STAG2: variants seen among roughly 807,000 people sequenced by gnomAD.
STAG2 encodes the protein STAG2 cohesin complex component.
STAG2 carries 14 observed loss-of-function variants against 108.1 expected under a neutral mutation model. The ratio of observed to expected loss-of-function variants is 0.13; its 90% confidence interval spans 0.09 to 0.20. STAG2 has a LOEUF of 0.20. STAG2 is among the 10% of genes least tolerant of loss of function. The pLI, the probability that STAG2 is intolerant of heterozygous loss-of-function variation, is 1.00. For synonymous variants in STAG2, 307 were observed against 302.7 expected (o/e 1.01, Z -0.15); for missense variants, 440 against 940.9 (o/e 0.47, Z 6.96).
At chrX:124,072,680 G>GTGT (rs1389793250) in intron 25 of STAG2, among the ~76,000 whole-genome samples, 12 of 98,877 alleles carry the variant, frequency 1.2e-4, no homozygotes, top group African/African-American at 4.0e-4. Context: ...AGTAATTATA[G>GTGT]TGTTGTTGTT....
chrX:123,963,649 TTAAG>T (rs753367073), intron 1 of STAG2, among the ~76,000 whole-genome samples: 7 of 110,128 alleles, frequency 6.4e-5, no homozygotes, highest in East Asian at 2.9e-4. Context: ...AGGTGCCACG[TTAAG>T]TAAGTTAATT....
intron 13 of STAG2, among the ~76,000 whole-genome samples, chrX:124,055,455 A>G (rs1003370638): frequency 3.5e-5 from 4 of 112,978 alleles, no homozygotes; most frequent in Non-Finnish European, 7.5e-5. Flanking sequence ...GAAGAATGCA[A>G]CAGCGTTTAC....
intron 7 of STAG2, among the ~76,000 whole-genome samples, chrX:124,044,508 T>C (rs1236423771): frequency 5.4e-5 from 6 of 111,545 alleles, no homozygotes; most frequent in Non-Finnish European, 1.1e-4. Context: ...CTTTTAGATG[T>C]TCTATATGGT....
intron 4 of STAG2, among the ~76,000 whole-genome samples, chrX:124,026,948 G>A (rs2057124764): frequency 2.7e-5 from 3 of 111,432 alleles, no homozygotes; most frequent in Non-Finnish European, 1.9e-5. Context: ...GAGTGCAGTG[G>A]CTATTCACTG....
chrX:123,996,092 G>A (rs2055724118), intron 1 of STAG2, among the ~76,000 whole-genome samples: 1 of 111,997 alleles, frequency 8.9e-6, no homozygotes, highest in Non-Finnish European at 1.9e-5. Context: ...ATACATTGCC[G>A]GTGGAAGTAT....
chrX:123,965,978 A>G (rs949050890), intron 1 of STAG2, among the ~76,000 whole-genome samples: 2 of 109,518 alleles, frequency 1.8e-5, no homozygotes, highest in Non-Finnish European at 1.9e-5. Context: ...AGCCTGGGCA[A>G]CAGAGCAAGA....
rs1476429960 is a variant in STAG2, at chrX:123,961,808, G to C, written c.-211G>C. Reference sequence around the variant, plus strand: ...CAGCGCGTGGTGGGGGAACTGCTGGGGAAGGCGATTGGCATCGATCTCTCC... The same window carrying C: ...CAGCGCGTGGTGGGGGAACTGCTGGCGAAGGCGATTGGCATCGATCTCTCC... On this transcript the variant is annotated 5_prime_UTR_variant, in exon 1 of 35. Coordinates refer to ENST00000371145, the MANE Select transcript of STAG2 (RefSeq NM_001042750.2). The C allele has an allele frequency of 9.1e-6, 1 of 109,916 alleles. No homozygotes were observed. The highest frequency in any genetic ancestry group is 1.9e-5 in the Non-Finnish European group (1 of 52,526). 9.1% of individuals were successfully genotyped at this position (109,916 alleles called of 1,213,427 possible).
chrX:124,067,184 C>G, intron 23 of STAG2, among the ~76,000 whole-genome samples: 1 of 111,321 alleles, frequency 9.0e-6, no homozygotes, highest in East Asian at 2.8e-4. Flanking sequence ...TTTCTCTGGG[C>G]TTTTAAGATG....
intron 19 of STAG2, 85 bp downstream of exon 19, chrX:124,063,290 G>A: frequency 1.6e-5 from 12 of 750,854 alleles, no homozygotes; most frequent in Non-Finnish European, 2.3e-5. Context: ...TTCTTAAAAT[G>A]TTTTTTTGGA....
At chrX:124,044,885 G>C (rs1019545635) in intron 7 of STAG2, among the ~76,000 whole-genome samples, 1 of 111,497 alleles carries the variant, frequency 9.0e-6, no homozygotes, top group Non-Finnish European at 1.9e-5. Flanking sequence ...TTGTTTTGAT[G>C]AGGGAGGCTT....
At chrX:124,096,282 C>T (rs1014360818) in intron 34 of STAG2, among the ~76,000 whole-genome samples, 1 of 110,970 alleles carries the variant, frequency 9.0e-6, no homozygotes, top group Admixed American at 9.7e-5. Context: ...TTGGCCTTTT[C>T]CTTACATGTA....
chrX:124,085,332 GTGGGTACA>G (rs2059072363), intron 29 of STAG2, among the ~76,000 whole-genome samples: 1 of 111,418 alleles, frequency 9.0e-6, no homozygotes, highest in Non-Finnish European at 1.9e-5. Context: ...TAGGTATGTG[GTGGGTACA>G]TAATTGTAAA....
intron 5 of STAG2, among the ~76,000 whole-genome samples, chrX:124,036,322 CTTGT>C (rs1455185415): frequency 8.9e-6 from 1 of 111,808 alleles, no homozygotes; most frequent in African/African-American, 3.3e-5. Context: ...TATACTAGCT[CTTGT>C]TTATCATCTT....
rs1310898935 is a variant in STAG2 at position 124,101,636 on chromosome X, T to A, written c.*1039T>A. ...TAGAAAAGCATGAGTGTTCATGCTT[T>A]AAAATGATTTTTAAATTTGTATTTT... On this transcript the variant is annotated 3_prime_UTR_variant, in exon 35 of 35. Coordinates refer to ENST00000371145, the MANE Select transcript of STAG2 (RefSeq NM_001042750.2). 2 of 162,926 alleles carry A rather than the reference T, an allele frequency of 1.2e-5. No individual in the cohort carries two copies. The highest frequency in any genetic ancestry group is 6.0e-5 in the African/African-American group (2 of 33,261). 13.4% of individuals were successfully genotyped at this position (162,926 alleles called of 1,213,427 possible). A position where few individuals can be genotyped will look rare whatever the true frequency, so the allele number is the denominator to read the frequency against.
At chrX:124,095,174 G>A (rs768331172) in intron 33 of STAG2, among the ~76,000 whole-genome samples, 198 bp from the exon 34 acceptor site, 11 of 111,926 alleles carry the variant, frequency 9.8e-5, no homozygotes, top group African/African-American at 2.9e-4. Context: ...TGATCCACCC[G>A]CCTCGGCCTC....
At chrX:124,061,639 T>G (rs752864078) in intron 16 of STAG2, 132 bp from the exon 17 acceptor site, 1 of 498,879 alleles carries the variant, frequency 2.0e-6, no homozygotes, top group Non-Finnish European at 3.1e-6. Context: ...GTAATGGGAT[T>G]TTCTTTAGTA....
At chrX:124,072,960 G>T (rs185342294) in intron 25 of STAG2, among the ~76,000 whole-genome samples, 1,181 of 90,199 alleles carry the variant, frequency 0.013, 6 homozygotes, top group Non-Finnish European at 0.018. Flanking sequence ...GGCCAGGCTG[G>T]TCTTGAACTC....
Position 124,072,904 on chromosome X carries a change from C to CTT in STAG2, c.2533+1600_2533+1601dup, listed in dbSNP as rs779996801. Among the ~76,000 whole-genome samples, 84 of 72,596 alleles carry CTT rather than the reference C, an allele frequency of 1.2e-3. 1 individual carries two copies. Among genetic ancestry groups the CTT allele is most frequent in the South Asian group, 4.6e-3 (6 of 1,310 alleles). The allele number at this position is 72,596 out of a possible 115,157, so 63.0% of individuals were successfully genotyped here. A position where few individuals can be genotyped will look rare whatever the true frequency, so the allele number is the denominator to read the frequency against. On this transcript the variant is annotated intron_variant, in intron 25 of 34. Transcript: ENST00000371145. ...TTTTTCTTTCTTTCTTTCTTTCTTT[C>CTT]TTTTTTTTTTTTTTTTTTTTAGTAG...
rs751163819 is a variant in STAG2 at position 124,063,107 on chromosome X, A to C, written c.1732-9A>C. The C allele has an allele frequency of 1.7e-6, 2 of 1,195,755 alleles. No homozygotes were observed. Among genetic ancestry groups the C allele is most frequent in the South Asian group, 3.6e-5 (2 of 55,398 alleles). ...GTGATATTTTTAACGTGATCTTTAT[A>C]TTTCACAGTACTCTGTAGATGCAGA... On this transcript the variant is annotated splice_polypyrimidine_tract_variant and intron_variant, in intron 18 of 34. Transcript: ENST00000371145.
Sources: allele counts gnomAD v4.1 joint callset (sites outside exome capture counted in the v4.1 genomes callset), GRCh38; gene constraint gnomAD v4.1.1; transcripts MANE v1.5; gene names NCBI Gene and HGNC (gene_info 2026-07-23, HGNC 2026-07-21).